DCUN1D1: variants seen among roughly 807,000 people sequenced by gnomAD.
DCUN1D1 encodes DCN1-like protein 1.
In DCUN1D1, 3 loss-of-function variants were observed where a neutral mutation model predicts 39.0. That is an observed-to-expected ratio of 0.08 (90% CI 0.04 to 0.20). The LOEUF (loss-of-function observed/expected upper bound fraction) is 0.20. Among genes scored for constraint, DCUN1D1 ranks in the 10% least tolerant of loss-of-function variants. The probability of loss-of-function intolerance (pLI) is 1.00; values close to 1 mark genes in which losing one functional copy is unlikely to be tolerated. For missense variants in DCUN1D1, 158 were observed against 302.4 expected (o/e 0.52, Z 3.54); for synonymous variants, 82 against 96.3 (o/e 0.85, Z 0.87).
chr3:182,975,698 C>A lies in DCUN1D1; in HGVS notation c.3+4789G>T, dbSNP rs936763616. On this transcript the variant is annotated intron_variant, in intron 1 of 6. Coordinates refer to ENST00000292782, the MANE Select transcript of DCUN1D1 (RefSeq NM_020640.4). ...TTGCTGGGTTAAAAAAAAAAAAAAA[C>A]AAAAACAAAAAACAAAAAACAGAAA... Among the ~76,000 whole-genome samples, 225 of 135,336 alleles carry A rather than the reference C, an allele frequency of 1.7e-3. 1 individual carries two copies. The highest frequency in any genetic ancestry group is 2.6e-3 in the East Asian group (12 of 4,602). 88.8% of individuals were successfully genotyped at this position (135,336 alleles called of 152,430 possible).
At chr3:182,975,334 A>G (rs1207134760) in intron 1 of DCUN1D1, among the ~76,000 whole-genome samples, 2 of 151,754 alleles carry the variant, frequency 1.3e-5, no homozygotes, top group Non-Finnish European at 2.9e-5. Context: ...CTGCTACCAC[A>G]TCCAGCTAAT....
intron 1 of DCUN1D1, among the ~76,000 whole-genome samples, chr3:182,975,288 C>T (rs912987943): frequency 2.5e-4 from 38 of 151,806 alleles, no homozygotes; most frequent in African/African-American, 8.5e-4. Context: ...GCCAGTCTCC[C>T]GCCTCAGCCT....
At chr3:182,983,929 C>T (rs1728644379), upstream of DCUN1D1, among the ~76,000 whole-genome samples, 1 of 152,168 alleles carries the variant, frequency 6.6e-6, no homozygotes, top group Admixed American at 6.5e-5. Flanking sequence ...CTTACATATA[C>T]TTTTGTTACA....
At chr3:182,949,867 T>G (rs1726619282) in intron 4 of DCUN1D1, among the ~76,000 whole-genome samples, 1 of 152,186 alleles carries the variant, frequency 6.6e-6, no homozygotes, top group African/African-American at 2.4e-5. Context: ...AAATACACAG[T>G]AGGCATTCAG....
chr3:182,961,684 A>C (rs1046570731), intron 3 of DCUN1D1, among the ~76,000 whole-genome samples: 1 of 152,242 alleles, frequency 6.6e-6, no homozygotes, highest in Admixed American at 6.5e-5. Context: ...AGTAATCAGC[A>C]TAACAATCAT....
intron 4 of DCUN1D1, among the ~76,000 whole-genome samples, chr3:182,948,011 G>A (rs992287791): frequency 2.0e-5 from 3 of 152,318 alleles, no homozygotes; most frequent in Admixed American, 6.5e-5. Context: ...GTAGGGTGCT[G>A]TCCTGTGTAC....
At chr3:182,953,320 T>C (rs1726850981) in intron 4 of DCUN1D1, among the ~76,000 whole-genome samples, 3 of 152,268 alleles carry the variant, frequency 2.0e-5, no homozygotes, top group African/African-American at 7.2e-5. Flanking sequence ...ATACATAAGA[T>C]TAAACAAGGA....
At chr3:182,957,937 CA>C (rs34998390) in intron 4 of DCUN1D1, among the ~76,000 whole-genome samples, 1,271 of 67,496 alleles carry the variant, frequency 0.019, 18 homozygotes, top group African/African-American at 0.072. Context: ...GACCCTGCAT[CA>C]AAAAAAAAAA....
intron 1 of DCUN1D1, among the ~76,000 whole-genome samples, chr3:182,971,021 T>C (rs1340850219): frequency 6.6e-6 from 1 of 152,220 alleles, no homozygotes; most frequent in Non-Finnish European, 1.5e-5. Flanking sequence ...GCTCTATCTC[T>C]TTCCTTCTAC....
Position 182,943,443 on chromosome 3 carries a change from T to C in DCUN1D1, c.*1651A>G, listed in dbSNP as rs1046323500. The C allele has an allele frequency of 6.6e-6, 1 of 152,600 alleles. No individual in the cohort carries two copies. 9.5% of individuals were successfully genotyped at this position (152,600 alleles called of 1,614,324 possible). A position where few individuals can be genotyped will look rare whatever the true frequency, so the allele number is the denominator to read the frequency against. On this transcript the variant is annotated 3_prime_UTR_variant, in exon 7 of 7. Coordinates refer to ENST00000292782, the MANE Select transcript of DCUN1D1 (RefSeq NM_020640.4). ...CTGCATTCTTGAATTAAAGTTATGATTGGAATATTAATATGTCTATAGGGA... is the reference window on the plus strand; with the variant it reads ...CTGCATTCTTGAATTAAAGTTATGACTGGAATATTAATATGTCTATAGGGA...
chr3:182,947,505 C>A, intron 5 of DCUN1D1, 45 bp downstream of exon 5: 1 of 1,243,432 alleles, frequency 8.0e-7, no homozygotes, highest in South Asian at 1.3e-5. Context: ...TTAAACATAG[C>A]AGAATTTGAG....
In DCUN1D1 at chr3:182,943,339, ATTC is replaced by A. The variant is rs1333108884; in HGVS notation, c.*1752_*1754del. 2.0e-5 allele frequency: 3 copies of A among 151,778 alleles called. No individual in the cohort carries two copies. The highest frequency in any genetic ancestry group is 7.3e-5 in the African/African-American group (3 of 41,274). The allele number at this position is 151,778 out of a possible 1,614,324, so 9.4% of individuals were successfully genotyped here. On this transcript the variant is annotated 3_prime_UTR_variant, in exon 7 of 7. Transcript: ENST00000292782. ...ATCAGGAAATACTGAAAGCAGCAAGATTCTTCTTTTTCCTTTTTCTTTTAATAA... is the reference window on the plus strand; with the variant it reads ...ATCAGGAAATACTGAAAGCAGCAAGATTCTTTTTCCTTTTTCTTTTAATAA...
rs201605593 is a variant in DCUN1D1, at chr3:182,963,989, G to A, written c.281C>T (p.Ala94Val). The change falls in exon 3 of 7, where the codon GCA becomes GTA. Residue 94 changes from alanine to valine, a missense_variant. Physicochemically the swap from Ala to Val is moderately conservative, Grantham distance 64 (BLOSUM62 0). This residue lies in a region of DCUN1D1 where 107 missense variants were observed against 174.7 expected (regional missense o/e 0.61). Transcript: ENST00000292782. ...CACACTAATGCTGGCTGGATCGAGT[G>A]CCAGGTCATCACAGAACTGCTGTAT... ...DGIQQFCDDL[A>V]LDPASISVLI... 4.7e-5 allele frequency: 76 copies of A among 1,613,968 alleles called. No individual in the cohort carries two copies. In the East Asian group the frequency reaches 1.6e-3, roughly 35 times the overall value.
At chr3:182,964,092 G>T in intron 2 of DCUN1D1, 43 bp from the exon 3 acceptor site, 1 of 1,512,340 alleles carries the variant, frequency 6.6e-7, no homozygotes, top group Non-Finnish European at 9.1e-7. Context: ...GTCATATTAT[G>T]CTACATTATG....
chr3:182,948,412 CCACACGACAGAGAACTACACTTAT>C (rs1174936414), intron 4 of DCUN1D1, among the ~76,000 whole-genome samples: 83 of 152,092 alleles, frequency 5.5e-4, no homozygotes, highest in African/African-American at 1.9e-3. Context: ...GCTACACTTA[CCACACGACAGAGAACTACACTTAT>C]CACACGACAG....
chr3:182,969,654 G>A (rs1577192335), intron 1 of DCUN1D1, among the ~76,000 whole-genome samples: 2 of 152,112 alleles, frequency 1.3e-5, no homozygotes, highest in East Asian at 3.9e-4. Context: ...AACTACCTAG[G>A]TATTATCAAG....
intron 1 of DCUN1D1, 30 bp from the exon 2 acceptor site, chr3:182,965,783 C>G: frequency 6.8e-7 from 1 of 1,480,906 alleles, no homozygotes; most frequent in Non-Finnish European, 9.4e-7. Context: ...AACTGAAACT[C>G]TATGTAAAAT....
chr3:182,977,586 C>T (rs1323457727), intron 1 of DCUN1D1, among the ~76,000 whole-genome samples: 3 of 152,116 alleles, frequency 2.0e-5, no homozygotes, highest in Non-Finnish European at 4.4e-5. Flanking sequence ...CAGGCCCCCA[C>T]CACCACGCCT....
intron 1 of DCUN1D1, among the ~76,000 whole-genome samples, chr3:182,970,715 T>C (rs1363490217): frequency 1.3e-5 from 2 of 152,248 alleles, no homozygotes; most frequent in Non-Finnish European, 2.9e-5. Flanking sequence ...TATGTTGTTA[T>C]GTAATTATCA....
Sources: gnomAD v4.1 joint callset for allele counts (sites outside exome capture counted in the v4.1 genomes callset) on GRCh38, gnomAD v4.1.1 for gene constraint, gnomAD v4.1.1 regional missense constraint, MANE v1.5 for transcripts, NCBI Gene and HGNC (gene_info 2026-07-23, HGNC 2026-07-21) for gene names.